RIMS1: variants seen among roughly 807,000 people sequenced by gnomAD.
RIMS1 encodes the protein regulating synaptic membrane exocytosis protein 1.
Under a neutral mutation model 214.1 loss-of-function variants are expected in RIMS1, and 83 were observed. The observed-to-expected ratio is 0.39, with a 90% confidence interval of 0.32 to 0.47. The LOEUF is 0.47. Ranked by LOEUF, RIMS1 falls within the 20% of genes least tolerant of loss-of-function variation. The probability of loss-of-function intolerance (pLI) is 0.99; values close to 1 mark genes in which losing one functional copy is unlikely to be tolerated. For synonymous variants in RIMS1, 793 were observed against 786.8 expected (o/e 1.01, Z -0.13); for missense variants, 2,050 against 2,161.8 (o/e 0.95, Z 1.03).
At chr6:72,240,273 G>A (rs1006157772) in intron 9 of RIMS1, among the ~76,000 whole-genome samples, 26 of 151,990 alleles carry the variant, frequency 1.7e-4, no homozygotes, top group African/African-American at 4.8e-4. Flanking sequence ...AAAGTTATGC[G>A]TCCAGGTTGC....
At position 71,944,845 on chromosome 6, in the gene RIMS1, C is replaced by A. The variant is rs186518170; in HGVS notation, c.165-24138C>A. ...ATATTTATCTAGATTATAGAAAAAGCTCTTTTTTGACAATGTACCACTGAC... is the reference window on the plus strand; with the variant it reads ...ATATTTATCTAGATTATAGAAAAAGATCTTTTTTGACAATGTACCACTGAC... On this transcript the variant is annotated intron_variant, in intron 1 of 33. Transcript: ENST00000521978. Among the ~76,000 whole-genome samples, 33 of 152,218 alleles carry A rather than the reference C, an allele frequency of 2.2e-4. 1 individual carries two copies. The highest frequency in any genetic ancestry group is 9.7e-4 in the East Asian group (5 of 5,160).
At chr6:71,915,221 G>C (rs912628540) in intron 1 of RIMS1, among the ~76,000 whole-genome samples, 1 of 151,992 alleles carries the variant, frequency 6.6e-6, no homozygotes, top group Non-Finnish European at 1.5e-5. Context: ...CTAATGATAT[G>C]TATGTATATG....
chr6:72,254,747 A>G lies in RIMS1; in HGVS notation c.2770+1915A>G, dbSNP rs530329692. Among the ~76,000 whole-genome samples, 16 of 152,302 alleles carry G rather than the reference A, an allele frequency of 1.1e-4. No individual in the cohort carries two copies. In the East Asian group the frequency reaches 1.7e-3, roughly 17 times the overall value. On this transcript the variant is annotated intron_variant, in intron 16 of 33. Transcript: ENST00000521978. Reference sequence around the variant, plus strand: ...ATGGATAACGCCTTGTGAGAAGTCAAAGTGAGTTATGGAATCCACTAGAGA... The same window carrying G: ...ATGGATAACGCCTTGTGAGAAGTCAGAGTGAGTTATGGAATCCACTAGAGA...
chr6:72,007,225 G>A (rs1488422451), intron 2 of RIMS1, among the ~76,000 whole-genome samples: 2 of 152,190 alleles, frequency 1.3e-5, no homozygotes, highest in Admixed American at 1.3e-4. Flanking sequence ...GTCTGGAGTG[G>A]ACCTCCAGCA....
At chr6:71,904,757 A>C (rs150853409) in intron 1 of RIMS1, among the ~76,000 whole-genome samples, 227 of 152,314 alleles carry the variant, frequency 1.5e-3, no homozygotes, top group Non-Finnish European at 2.8e-3. Context: ...TATATAAGTC[A>C]ACTGGTAAGA....
chr6:72,072,053 A>G (rs1446927488), intron 2 of RIMS1, among the ~76,000 whole-genome samples: 2 of 152,220 alleles, frequency 1.3e-5, no homozygotes, highest in Non-Finnish European at 2.9e-5. Context: ...AGATGGAATT[A>G]TATGCCTCAC....
chr6:72,183,871 T>A (rs951534953), intron 6 of RIMS1, among the ~76,000 whole-genome samples: 1 of 152,202 alleles, frequency 6.6e-6, no homozygotes. Context: ...ATGAATCTAT[T>A]ATAAAAAGTT....
intron 2 of RIMS1, among the ~76,000 whole-genome samples, chr6:72,034,025 A>G (rs1023302232): frequency 1.3e-5 from 2 of 152,100 alleles, no homozygotes; most frequent in Non-Finnish European, 2.9e-5. Context: ...GAGGAAAATT[A>G]AATGATACCT....
intron 1 of RIMS1, among the ~76,000 whole-genome samples, chr6:71,936,608 A>T (rs906687280): frequency 1.3e-5 from 2 of 152,232 alleles, no homozygotes; most frequent in Non-Finnish European, 2.9e-5. Context: ...TCTATGGAAC[A>T]TGCCCTAGAT....
Position 72,123,136 on chromosome 6 carries a change from G to A in RIMS1, c.471+23150G>A, listed in dbSNP as rs2038773543. On this transcript the variant is annotated intron_variant, in intron 4 of 33. Coordinates refer to ENST00000521978, the MANE Select transcript of RIMS1 (RefSeq NM_014989.7). ...TGCTATAGATTTCCCTCTACACACT[G>A]CTTTAAATGTATCCCAGAGATTATG... 3.3e-5 allele frequency among the ~76,000 whole-genome samples: 5 copies of A among 151,670 alleles called. No individual in the cohort carries two copies. In the East Asian group the frequency reaches 7.7e-4, roughly 23 times the overall value.
chr6:72,216,883 G>A lies in RIMS1; in HGVS notation c.1679-16890G>A, dbSNP rs1046859359. ...AGAGCTTTAGTGTATGCTACACTGG[G>A]AGCCACTTTAGTACAGCACAGAGCA... On this transcript the variant is annotated intron_variant, in intron 6 of 33. Coordinates refer to ENST00000521978, the MANE Select transcript of RIMS1 (RefSeq NM_014989.7). 2.7e-5 allele frequency: 29 copies of A among 1,080,340 alleles called. No homozygotes were observed. In the Admixed American group the frequency reaches 7.4e-4, roughly 28 times the overall value. The allele number at this position is 1,080,340 out of a possible 1,614,324, so 66.9% of individuals were successfully genotyped here. A position where few individuals can be genotyped will look rare whatever the true frequency, so the allele number is the denominator to read the frequency against.
chr6:72,347,768 G>C (rs534293014), intron 29 of RIMS1, among the ~76,000 whole-genome samples: 1 of 151,818 alleles, frequency 6.6e-6, no homozygotes, highest in Non-Finnish European at 1.5e-5. Flanking sequence ...CAGTTTGTCT[G>C]TCAAAATCTT....
chr6:72,132,970 A>T (rs1483760602), intron 4 of RIMS1, among the ~76,000 whole-genome samples: 1 of 151,980 alleles, frequency 6.6e-6, no homozygotes, highest in Non-Finnish European at 1.5e-5. Context: ...TTAATTGTCA[A>T]GACAACCCTA....
At chr6:71,902,688 C>T (rs1395746051) in intron 1 of RIMS1, among the ~76,000 whole-genome samples, 1 of 152,000 alleles carries the variant, frequency 6.6e-6, no homozygotes, top group Non-Finnish European at 1.5e-5. Flanking sequence ...CCTCCCCTGC[C>T]CCCGACAGGC....
intron 4 of RIMS1, among the ~76,000 whole-genome samples, chr6:72,105,402 A>G (rs1168989982): frequency 1.3e-5 from 2 of 152,064 alleles, no homozygotes; most frequent in Non-Finnish European, 2.9e-5. Context: ...CTTAATATAA[A>G]CGTTATTTGT....
chr6:72,175,661 A>G (rs2496501), intron 4 of RIMS1, among the ~76,000 whole-genome samples: 104,721 of 151,198 alleles, frequency 0.69, 36,751 homozygotes, highest in East Asian at 0.84. Context: ...CAACAGGAGC[A>G]AAACTCCATT....
At chr6:72,268,560 T>A (rs1044560788) in intron 22 of RIMS1, among the ~76,000 whole-genome samples, 6 of 152,122 alleles carry the variant, frequency 3.9e-5, no homozygotes, top group African/African-American at 1.4e-4. Flanking sequence ...CAAAGCACAC[T>A]CAGTACTCAA....
intron 2 of RIMS1, among the ~76,000 whole-genome samples, chr6:71,978,985 A>G (rs1797817241): frequency 6.6e-6 from 1 of 152,096 alleles, no homozygotes; most frequent in Admixed American, 6.6e-5. Flanking sequence ...TGTGGCTTTT[A>G]TAGTCTTCAT....
chr6:72,100,942 T>C (rs2033407962), intron 4 of RIMS1, among the ~76,000 whole-genome samples: 2 of 152,066 alleles, frequency 1.3e-5, no homozygotes, highest in South Asian at 4.1e-4. Context: ...TGAAAAATTA[T>C]ATAGGATAAT....
Sources: gnomAD v4.1 joint callset for allele counts (sites outside exome capture counted in the v4.1 genomes callset) on GRCh38, gnomAD v4.1.1 for gene constraint, MANE v1.5 for transcripts, NCBI Gene and HGNC (gene_info 2026-07-23, HGNC 2026-07-21) for gene names.